SIDT1: variants seen among roughly 807,000 people sequenced by gnomAD.
SIDT1 encodes SID1 transmembrane family member 1.
In SIDT1, 101 loss-of-function variants were observed where a neutral mutation model predicts 107.5. The ratio of observed to expected loss-of-function variants is 0.94; its 90% CI spans 0.80 to 1.11. The LOEUF is 1.11. Ranked by LOEUF, SIDT1 falls within the 50% of genes least tolerant of loss-of-function variation. The probability of loss-of-function intolerance (pLI) is 0.00; values close to 1 mark genes in which losing one functional copy is unlikely to be tolerated. For missense variants in SIDT1, 1,076 were observed against 1,058.2 expected, an observed-to-expected ratio of 1.02 and a Z score of -0.23; for synonymous variants, 395 against 398.2, an observed-to-expected ratio of 0.99 and a Z score of 0.10.
intron 11 of SIDT1, 35 bp from the exon 12 acceptor site, chr3:113,602,970 G>T: frequency 6.2e-7 from 1 of 1,608,578 alleles, no homozygotes; most frequent in Middle Eastern, 1.7e-4. Context: ...GGCTCTCCAC[G>T]GCTTTTGATG....
chr3:113,575,986 G>C (rs1184908343), intron 3 of SIDT1, among the ~76,000 whole-genome samples: 1 of 152,210 alleles, frequency 6.6e-6, no homozygotes, highest in Non-Finnish European at 1.5e-5. Context: ...CTGTGGACTT[G>C]TGTGCATGAT....
downstream of SIDT1, among the ~76,000 whole-genome samples, chr3:113,630,895 G>A (rs964293251): frequency 3.9e-5 from 6 of 152,094 alleles, no homozygotes; most frequent in African/African-American, 1.4e-4. Context: ...CTCCTCCAGG[G>A]GCTCTTCATT....
At chr3:113,578,016 T>C (rs1943037633) in intron 4 of SIDT1, among the ~76,000 whole-genome samples, 1 of 152,218 alleles carries the variant, frequency 6.6e-6, no homozygotes, top group African/African-American at 2.4e-5. Context: ...AAACTTCCTG[T>C]CTGTGAAAGT....
At position 113,604,013 on chromosome 3, in the gene SIDT1, A is replaced by C; in HGVS notation, c.1317A>C (p.Lys439Asn). 6.2e-7 allele frequency: 1 copy of C among 1,603,072 alleles called. No individual in the cohort carries two copies. Among genetic ancestry groups the C allele is most frequent in the Middle Eastern group, 1.7e-4 (1 of 6,048 alleles). ...LSRKDRRIVS[K>N]KYKIYFWNII... Reference sequence around the variant, plus strand: ...GGAAGGACCGGAGAATTGTCAGCAAAAAATATAAAATTTATTTTTGGTAAG... The same window carrying C: ...GGAAGGACCGGAGAATTGTCAGCAACAAATATAAAATTTATTTTTGGTAAG... The change falls in exon 13 of 25, where the codon AAA becomes AAC. Residue 439 changes from lysine (K) to asparagine (N), a missense_variant. Physicochemically the swap from Lys to Asn is moderately conservative, Grantham distance 94. Transcript: ENST00000264852.
chr3:113,595,745 C>A (rs1019889922), intron 10 of SIDT1, among the ~76,000 whole-genome samples: 6 of 152,074 alleles, frequency 3.9e-5, no homozygotes, highest in African/African-American at 1.4e-4. Context: ...ACACAAAAGT[C>A]TTGAAATAGG....
intron 14 of SIDT1, chr3:113,606,739 G>T: frequency 3.8e-6 from 1 of 262,176 alleles, no homozygotes; most frequent in East Asian, 7.3e-5. Context: ...CCCAATGTTC[G>T]CATTCTTTCG....
chr3:113,599,411 T>C (rs900106449), intron 10 of SIDT1, among the ~76,000 whole-genome samples: 1 of 152,252 alleles, frequency 6.6e-6, no homozygotes, highest in Non-Finnish European at 1.5e-5. Flanking sequence ...AACCTCTTTG[T>C]CTCTTTAGAA....
rs1048041998 is a variant in SIDT1 at position 113,584,696 on chromosome 3, A to G, written c.836-2A>G. On this transcript the variant is annotated splice_acceptor_variant, in intron 7 of 24. Transcript: ENST00000264852. LOFTEE classifies it high-confidence loss of function. ...GTTCTTTTTTTATTTTTTTTAAACC[A>G]GAAAAGGAAAACCAGACCTGGAATC... is the stretch of plus-strand genomic sequence containing the variant. The G allele has an allele frequency of 3.1e-6, 5 of 1,591,424 alleles. No homozygotes were observed. Among genetic ancestry groups the G allele is most frequent in the Non-Finnish European group, 4.3e-6 (5 of 1,171,270 alleles).
At chr3:113,583,141 T>G (rs1943486419) in intron 6 of SIDT1, among the ~76,000 whole-genome samples, 1 of 152,250 alleles carries the variant, frequency 6.6e-6, no homozygotes, top group Non-Finnish European at 1.5e-5. Flanking sequence ...GTGCTTATTA[T>G]AGTTCTAAGC....
At chr3:113,559,135 ATGCT>A (rs1434230112) in intron 1 of SIDT1, among the ~76,000 whole-genome samples, 1 of 152,214 alleles carries the variant, frequency 6.6e-6, no homozygotes, top group Non-Finnish European at 1.5e-5. Flanking sequence ...GTTGCAACCA[ATGCT>A]TGCAGTGAAC....
At chr3:113,572,743 G>A (rs1270171962) in intron 3 of SIDT1, among the ~76,000 whole-genome samples, 1 of 152,198 alleles carries the variant, frequency 6.6e-6, no homozygotes, top group African/African-American at 2.4e-5. Flanking sequence ...AATATATGTG[G>A]CAGAATAAAA....
At chr3:113,578,665 T>C (rs184032753) in intron 4 of SIDT1, among the ~76,000 whole-genome samples, 176 of 151,884 alleles carry the variant, frequency 1.2e-3, no homozygotes, top group African/African-American at 4.2e-3. Flanking sequence ...CTGGGCAACA[T>C]AGCAAGACCC....
Position 113,616,103 on chromosome 3 carries a change from T to A in SIDT1, c.1970T>A (p.Leu657Ter), listed in dbSNP as rs755554520. 1 of 1,612,986 alleles carries A rather than the reference T, an allele frequency of 6.2e-7. No individual in the cohort carries two copies. The change falls in exon 20 of 25, where the codon TTG (leucine) becomes TAG (stop). Residue 657 changes from leucine to a stop codon, truncating the protein, a stop_gained. Transcript: ENST00000264852. LOFTEE classifies it high-confidence loss of function. Reference protein sequence around the residue: ...IYYMGRFKIDLGIFRRAAMVF... With the variant: ...IYYMGRFKID ...CATGCATTTGTATTATCAGCAGATT[T>A]GGGAATTTTCCGGCGGGCTGCCATG...
chr3:113,557,808 C>T (rs1389529423), intron 1 of SIDT1, among the ~76,000 whole-genome samples: 2 of 152,194 alleles, frequency 1.3e-5, no homozygotes, highest in East Asian at 1.9e-4. Context: ...CCTGATGACA[C>T]AGAATCAAGC....
chr3:113,624,764 C>T (rs1946727597), intron 23 of SIDT1, among the ~76,000 whole-genome samples: 2 of 152,096 alleles, frequency 1.3e-5, no homozygotes, highest in African/African-American at 4.8e-5. Flanking sequence ...TTTCTAGCTG[C>T]CTCATATGAG....
At position 113,604,914 on chromosome 3, in the gene SIDT1, A is replaced by G; in HGVS notation, c.1342A>G (p.Ile448Val). The change falls in exon 14 of 25, where the codon ATC becomes GTC. Residue 448 changes from isoleucine to valine, a missense_variant. Coordinates refer to ENST00000264852, the MANE Select transcript of SIDT1 (RefSeq NM_017699.3). ...TGGTTCTTTCTGCCTGCATAGGAAC[A>G]TCATCACCATTGCTGTGTTTTACGC... ...SKKYKIYFWN[I>V]ITIAVFYALP... 2 of 1,614,154 alleles carry G rather than the reference A, an allele frequency of 1.2e-6. No individual in the cohort carries two copies. The highest frequency in any genetic ancestry group is 1.7e-6 in the Non-Finnish European group (2 of 1,180,028).
intron 11 of SIDT1, 56 bp downstream of exon 11, chr3:113,601,715 A>G (rs1419328754): frequency 3.2e-6 from 4 of 1,231,884 alleles, no homozygotes; most frequent in Non-Finnish European, 1.2e-6. Flanking sequence ...AGAGAATATG[A>G]TAGAAAGGCA....
At chr3:113,622,501 C>T (rs1295524554) in intron 21 of SIDT1, among the ~76,000 whole-genome samples, 2 of 109,824 alleles carry the variant, frequency 1.8e-5, no homozygotes, top group African/African-American at 3.4e-5. Flanking sequence ...TATTTCAAAA[C>T]AAAGAGATAA....
intron 15 of SIDT1, 139 bp from the exon 16 acceptor site, chr3:113,607,955 C>A: frequency 9.9e-7 from 1 of 1,014,618 alleles, no homozygotes; most frequent in Non-Finnish European, 1.4e-6. Context: ...ATTTCTAATA[C>A]TTTTCTGATC....
Sources: gnomAD v4.1 joint callset for allele counts (sites outside exome capture counted in the v4.1 genomes callset) on GRCh38, gnomAD v4.1.1 for gene constraint, MANE v1.5 for transcripts, NCBI Gene and HGNC (gene_info 2026-07-23, HGNC 2026-07-21) for gene names.